VPS13C: variants seen among roughly 807,000 people sequenced by gnomAD.
The protein encoded by VPS13C is intermembrane lipid transfer protein VPS13C.
A neutral mutation model predicts 456.8 loss-of-function variants in VPS13C; 358 were observed. The ratio of observed to expected loss-of-function variants is 0.78; its 90% CI spans 0.72 to 0.86. The LOEUF is 0.86. Among genes scored for constraint, VPS13C ranks in the 40% least tolerant of loss-of-function variants. The pLI, the probability that VPS13C is intolerant of heterozygous loss-of-function variation, is 0.00. For missense variants in VPS13C, 4,818 were observed against 4,385.4 expected (o/e 1.10, Z -2.79); for synonymous variants, 1,578 against 1,486.7 (o/e 1.06, Z -1.41).
At chr15:61,905,855 C>T (rs965796093) in intron 66 of VPS13C, among the ~76,000 whole-genome samples, 14 of 151,766 alleles carry the variant, frequency 9.2e-5, no homozygotes, top group African/African-American at 3.1e-4. Flanking sequence ...ATACAGTTTC[C>T]CCTCTCCTCT....
At chr15:62,039,164 C>G (rs1327951923) in intron 3 of VPS13C, among the ~76,000 whole-genome samples, 1 of 152,068 alleles carries the variant, frequency 6.6e-6, no homozygotes, top group Non-Finnish European at 1.5e-5. Context: ...ACCACAATAG[C>G]AAAGTCACAC....
At chr15:62,013,545 A>G (rs1418864693) in intron 10 of VPS13C, among the ~76,000 whole-genome samples, 1 of 152,034 alleles carries the variant, frequency 6.6e-6, no homozygotes, top group Non-Finnish European at 1.5e-5. Context: ...GGAGATTCAC[A>G]GTGTTTGTTA....
At position 61,946,001 on chromosome 15, in the gene VPS13C, C is replaced by G. The variant is rs2044593264; in HGVS notation, c.4981-119G>C. ...GATAAGTAGAAATATATGAATTCAACATTAAAAATTATTAGCTAAAAACAT... is the reference window on the plus strand; with the variant it reads ...GATAAGTAGAAATATATGAATTCAAGATTAAAAATTATTAGCTAAAAACAT... On this transcript the variant is annotated intron_variant, in intron 44 of 84. Transcript: ENST00000644861. The G allele has an allele frequency of 5.3e-6, 5 of 948,932 alleles. No individual in the cohort carries two copies. In the African/African-American group the frequency reaches 6.8e-5, roughly 13 times the overall value. 58.8% of individuals were successfully genotyped at this position (948,932 alleles called of 1,614,324 possible).
At chr15:61,994,633 A>G (rs2046324240) in intron 16 of VPS13C, among the ~76,000 whole-genome samples, 1 of 150,642 alleles carries the variant, frequency 6.6e-6, no homozygotes, top group African/African-American at 2.5e-5. Context: ...TCTGTCACCC[A>G]GGCTGGAGTG....
At chr15:62,019,072 C>T (rs1370753740) in intron 9 of VPS13C, among the ~76,000 whole-genome samples, 6 of 152,062 alleles carry the variant, frequency 3.9e-5, no homozygotes, top group Non-Finnish European at 7.4e-5. Context: ...AGTTTATTTG[C>T]GTAGAGGTGT....
chr15:62,001,615 C>T (rs1310759949), intron 15 of VPS13C, among the ~76,000 whole-genome samples: 1 of 152,148 alleles, frequency 6.6e-6, no homozygotes, highest in African/African-American at 2.4e-5. Flanking sequence ...GTGCGCTGCA[C>T]CCACTAACTT....
At chr15:62,030,993 T>C (rs2047796921) in intron 5 of VPS13C, among the ~76,000 whole-genome samples, 1 of 152,104 alleles carries the variant, frequency 6.6e-6, no homozygotes, top group African/African-American at 2.4e-5. Flanking sequence ...TGCGAATCTT[T>C]TGGCCTTACT....
intron 66 of VPS13C, among the ~76,000 whole-genome samples, chr15:61,902,604 C>CG (rs1310604647): frequency 6.7e-6 from 1 of 149,150 alleles, no homozygotes; most frequent in Non-Finnish European, 1.5e-5. Flanking sequence ...ACCATGTGAT[C>CG]ATTTCAACAG....
chr15:61,935,159 G>A (rs2044184567), intron 48 of VPS13C, among the ~76,000 whole-genome samples: 1 of 152,148 alleles, frequency 6.6e-6, no homozygotes. Flanking sequence ...CAGGGGAAAG[G>A]AGTGGGTGCT....
At chr15:61,912,056 A>T in intron 62 of VPS13C, 52 bp from the exon 63 acceptor site, 1 of 1,453,734 alleles carries the variant, frequency 6.9e-7, no homozygotes, top group South Asian at 1.6e-5. Context: ...TCTTTGAAAT[A>T]TATACACATC....
In VPS13C at chr15:61,917,548, A is replaced by G. The variant is rs2043511800; in HGVS notation, c.7848T>C (p.His2616=). 1.1e-5 allele frequency: 17 copies of G among 1,613,890 alleles called. No individual in the cohort carries two copies. The highest frequency in any genetic ancestry group is 2.2e-5 in the East Asian group (1 of 44,886). Residue 2616 remains histidine, a synonymous_variant, in exon 60 of 85, where the codon CAT becomes CAC. Coordinates refer to ENST00000644861, the MANE Select transcript of VPS13C (RefSeq NM_020821.3). ...TTYISWKEEL[H]RSREVRCMLQ... is the part of the protein sequence containing the mutation. ...ACATGCATCTGACTTCCCTGCTCCT[A>G]TGAAGTTCTTCCTTCCAGGAAATAT...
At chr15:61,944,727 T>C (rs1292427596) in intron 45 of VPS13C, among the ~76,000 whole-genome samples, 1 of 152,104 alleles carries the variant, frequency 6.6e-6, no homozygotes, top group Non-Finnish European at 1.5e-5. Context: ...CATCATGCAA[T>C]ATACTCATGT....
At chr15:62,028,307 T>C in intron 6 of VPS13C, 51 bp downstream of exon 6, 1 of 1,588,864 alleles carries the variant, frequency 6.3e-7, no homozygotes, top group Non-Finnish European at 8.6e-7. Context: ...AGCACAAGCA[T>C]ACACAAGAAT....
intron 53 of VPS13C, among the ~76,000 whole-genome samples, chr15:61,924,453 A>G (rs559815071): frequency 6.6e-6 from 1 of 152,322 alleles, no homozygotes; most frequent in East Asian, 1.9e-4. Flanking sequence ...AGCAGGGGCT[A>G]CATATCCCCA....
chr15:61,958,432 A>G (rs1047802965), intron 37 of VPS13C, among the ~76,000 whole-genome samples, 176 bp downstream of exon 37: 2 of 152,148 alleles, frequency 1.3e-5, no homozygotes, highest in African/African-American at 4.8e-5. Flanking sequence ...AACTTAGCTT[A>G]AGAGAGTCAA....
intron 16 of VPS13C, among the ~76,000 whole-genome samples, chr15:61,998,582 G>T (rs984994025): frequency 6.6e-6 from 1 of 152,132 alleles, no homozygotes; most frequent in African/African-American, 2.4e-5. Flanking sequence ...AGGAAACTAA[G>T]GCACAGAGGG....
At position 61,922,581 on chromosome 15, in the gene VPS13C, A is replaced by C. The variant is rs1347630650; in HGVS notation, c.6791T>G (p.Phe2264Cys). ...TATCAGTGAATGTTCAATGCCTTTGAAGCTTTCCGTTATTTCTGTTGCCGT... is the reference window on the plus strand; with the variant it reads ...TATCAGTGAATGTTCAATGCCTTTGCAGCTTTCCGTTATTTCTGTTGCCGT... ...VDTATEITES[F>C]KGIEHSLIEE... The change falls in exon 54 of 85, where the codon TTC (phenylalanine) becomes TGC (cysteine). Residue 2264 changes from phenylalanine (F) to cysteine (C), a missense_variant. Around this residue, in one of 3 missense-constraint regions of VPS13C, gnomAD observed 4,552 missense variants for 4,130.6 expected, o/e 1.10. Coordinates refer to ENST00000644861, the MANE Select transcript of VPS13C (RefSeq NM_020821.3). 1.9e-6 allele frequency: 3 copies of C among 1,614,098 alleles called. No individual in the cohort carries two copies. Among genetic ancestry groups the C allele is most frequent in the Non-Finnish European group, 1.7e-6 (2 of 1,179,976 alleles).
At chr15:61,910,972 T>C (rs2043286391) in intron 63 of VPS13C, among the ~76,000 whole-genome samples, 1 of 152,310 alleles carries the variant, frequency 6.6e-6, no homozygotes, top group East Asian at 1.9e-4. Flanking sequence ...GCTGAGTTTA[T>C]GGAGATCATT....
Position 61,961,722 on chromosome 15 carries a change from T to C in VPS13C, c.3775A>G (p.Thr1259Ala), listed in dbSNP as rs368241867. The C allele has an allele frequency of 5.0e-6, 8 of 1,613,890 alleles. No individual in the cohort carries two copies. In the African/African-American group the frequency reaches 1.1e-4, roughly 22 times the overall value. The change falls in exon 35 of 85, where the codon ACC becomes GCC. Residue 1259 changes from threonine to alanine, a missense_variant. Thr to Ala is a moderately conservative substitution (Grantham distance 58). Coordinates refer to ENST00000644861, the MANE Select transcript of VPS13C (RefSeq NM_020821.3). The stretch of plus-strand genomic sequence containing the variant: ...CCAAGATCTACCACTACTGCATTGG[T>C]GGAAATAGAAGACTGTGGGATGACT... ...VIVIPQSSISTNAVVVDLGLI... is the reference protein window; with the variant it reads ...VIVIPQSSISANAVVVDLGLI...
Sources: allele counts gnomAD v4.1 joint callset (sites outside exome capture counted in the v4.1 genomes callset), GRCh38; gene constraint gnomAD v4.1.1; regional missense constraint gnomAD v4.1.1; transcripts MANE v1.5; gene names NCBI Gene and HGNC (gene_info 2026-07-23, HGNC 2026-07-21).